MTUS2: variants seen among roughly 807,000 people sequenced by gnomAD.
MTUS2 encodes the protein microtubule associated scaffold protein 2.
Under a neutral mutation model 114.1 loss-of-function variants are expected in MTUS2, and 40 were observed. The observed-to-expected ratio is 0.35, with a 90% CI of 0.27 to 0.46. The LOEUF is 0.46. MTUS2 is among the 20% of genes least tolerant of loss of function. The pLI, the probability that MTUS2 is intolerant of heterozygous loss-of-function variation, is 1.00. For missense variants in MTUS2, 1,679 were observed against 1,705.4 expected, an observed-to-expected ratio of 0.98 and a Z score of 0.27; for synonymous variants, 688 against 672.0, an observed-to-expected ratio of 1.02 and a Z score of -0.37.
intron 2 of MTUS2, among the ~76,000 whole-genome samples, chr13:28,991,534 A>G (rs1279064960): frequency 6.6e-6 from 1 of 151,832 alleles, no homozygotes. Flanking sequence ...ACGCCTAGCT[A>G]ATTTTTTGTA....
intron 5 of MTUS2, among the ~76,000 whole-genome samples, chr13:29,232,524 C>T (rs763132673): frequency 3.4e-4 from 51 of 152,106 alleles, no homozygotes; most frequent in Non-Finnish European, 5.7e-4. Flanking sequence ...CAGGACACTA[C>T]GGGTTTCTAA....
intron 5 of MTUS2, among the ~76,000 whole-genome samples, chr13:29,150,350 C>T (rs1218787603): frequency 6.6e-6 from 1 of 152,058 alleles, no homozygotes; most frequent in African/African-American, 2.4e-5. Flanking sequence ...CGTATGTCTT[C>T]TTTTAAGAAG....
chr13:28,853,283 T>C (rs1876412892), intron 2 of MTUS2, among the ~76,000 whole-genome samples: 1 of 152,230 alleles, frequency 6.6e-6, no homozygotes, highest in African/African-American at 2.4e-5. Context: ...GAAAATGTAT[T>C]GATCCTGAAA....
chr13:28,901,988 A>C (rs1164597704), intron 2 of MTUS2, among the ~76,000 whole-genome samples: 1 of 152,122 alleles, frequency 6.6e-6, no homozygotes, highest in Non-Finnish European at 1.5e-5. Flanking sequence ...ATGCCTTTTT[A>C]TTTAGATCTT....
At chr13:28,911,032 C>T (rs774428806) in intron 2 of MTUS2, among the ~76,000 whole-genome samples, 21 of 150,744 alleles carry the variant, frequency 1.4e-4, no homozygotes, top group Non-Finnish European at 1.9e-4. Context: ...TCTGCCACCA[C>T]GCCTGGTTAA....
chr13:29,400,344 A>T (rs1413766613), intron 8 of MTUS2, among the ~76,000 whole-genome samples: 1 of 152,234 alleles, frequency 6.6e-6, no homozygotes, highest in Admixed American at 6.5e-5. Context: ...AGCTCCAGTG[A>T]CATGGTGGGG....
At chr13:29,119,918 G>A (rs1246057853) in intron 5 of MTUS2, among the ~76,000 whole-genome samples, 1 of 152,162 alleles carries the variant, frequency 6.6e-6, no homozygotes, top group Non-Finnish European at 1.5e-5. Flanking sequence ...ACAAGAATAT[G>A]TAAAGAACCT....
intron 8 of MTUS2, among the ~76,000 whole-genome samples, chr13:29,438,339 T>C (rs1191112962): frequency 6.6e-6 from 1 of 152,178 alleles, no homozygotes; most frequent in Non-Finnish European, 1.5e-5. Flanking sequence ...GTTGGGTCTG[T>C]CTTAGTGTCT....
At chr13:29,416,505 T>C (rs1593420249) in intron 8 of MTUS2, among the ~76,000 whole-genome samples, 1 of 151,458 alleles carries the variant, frequency 6.6e-6, no homozygotes, top group East Asian at 1.9e-4. Context: ...ACATATTATA[T>C]ATAGCATATA....
chr13:29,321,336 A>G (rs560734682), intron 6 of MTUS2, among the ~76,000 whole-genome samples: 62 of 152,348 alleles, frequency 4.1e-4, no homozygotes, highest in African/African-American at 1.4e-3. Flanking sequence ...AGACCACACT[A>G]GCATTTCTAG....
chr13:29,389,461 GTA>G lies in MTUS2; in HGVS notation c.3117+29990_3117+29991del, dbSNP rs145762217. Among the ~76,000 whole-genome samples, 244 of 50,032 alleles carry G rather than the reference GTA, an allele frequency of 4.9e-3. 13 individuals are homozygous for G. Among genetic ancestry groups the G allele is most frequent in the Middle Eastern group, 0.014 (1 of 70 alleles). The allele number at this position is 50,032 out of a possible 152,430, so 32.8% of individuals were successfully genotyped here. On this transcript the variant is annotated intron_variant, in intron 8 of 15. Coordinates refer to ENST00000612955, the MANE Select transcript of MTUS2 (RefSeq NM_001033602.4). ...TGTATGTGTATGTATACACGTGTGT[GTA>G]TGTGTATATGTATACACGTGTGTGT...
chr13:28,839,885 T>A (rs574623574), intron 2 of MTUS2, 35 bp downstream of exon 2: 7 of 152,150 alleles, frequency 4.6e-5, no homozygotes, highest in Admixed American at 2.0e-4. Context: ...GATTTATTAT[T>A]CCATTCTATT....
chr13:28,944,566 G>C (rs1214750719), intron 2 of MTUS2, among the ~76,000 whole-genome samples: 1 of 152,098 alleles, frequency 6.6e-6, no homozygotes, highest in Non-Finnish European at 1.5e-5. Context: ...TGAGTTATTA[G>C]TTGTATTCTA....
At chr13:29,498,068 C>T (rs1882663719) in intron 13 of MTUS2, among the ~76,000 whole-genome samples, 2 of 152,160 alleles carry the variant, frequency 1.3e-5, no homozygotes, top group South Asian at 2.1e-4. Context: ...TGAATCAAGT[C>T]GGCCGGGTGA....
chr13:28,909,800 C>G (rs1880289950), intron 2 of MTUS2, among the ~76,000 whole-genome samples: 1 of 152,208 alleles, frequency 6.6e-6, no homozygotes, highest in Non-Finnish European at 1.5e-5. Context: ...AGCCCAAAAT[C>G]TCCTTAAGCT....
intron 1 of MTUS2, among the ~76,000 whole-genome samples, chr13:28,836,114 A>C (rs942868605): frequency 3.3e-5 from 5 of 152,230 alleles, no homozygotes; most frequent in Non-Finnish European, 7.3e-5. Flanking sequence ...TAGTACCTGC[A>C]TTTAAAAATC....
intron 5 of MTUS2, among the ~76,000 whole-genome samples, chr13:29,266,354 A>C (rs1182577422): frequency 1.3e-5 from 2 of 152,260 alleles, no homozygotes; most frequent in Non-Finnish European, 2.9e-5. Context: ...GAACCCAAGC[A>C]GTCCTAACCA....
At chr13:29,172,127 A>G (rs1348130116) in intron 5 of MTUS2, among the ~76,000 whole-genome samples, 1 of 152,206 alleles carries the variant, frequency 6.6e-6, no homozygotes, top group African/African-American at 2.4e-5. Flanking sequence ...TATCATGGAA[A>G]CAACAACTAT....
At chr13:29,082,809 G>A (rs1889504480) in intron 4 of MTUS2, among the ~76,000 whole-genome samples, 1 of 152,040 alleles carries the variant, frequency 6.6e-6, no homozygotes, top group Non-Finnish European at 1.5e-5. Flanking sequence ...GGGCCAAGGG[G>A]GTTCAGTTTC....
Sources: gnomAD v4.1 joint callset for allele counts (sites outside exome capture counted in the v4.1 genomes callset) on GRCh38, gnomAD v4.1.1 for gene constraint, MANE v1.5 for transcripts, NCBI Gene and HGNC (gene_info 2026-07-23, HGNC 2026-07-21) for gene names.